Variants in DPP6 observed in about 807,000 individuals in gnomAD.
DPP6 encodes A-type potassium channel modulatory protein DPP6.
DPP6 carries 69 observed loss-of-function variants against 122.6 expected under a neutral mutation model. The ratio of observed to expected loss-of-function variants is 0.56; its 90% CI spans 0.46 to 0.69. DPP6 has a LOEUF of 0.69. DPP6 is among the 30% of genes least tolerant of loss of function. The pLI, the probability that DPP6 is intolerant of heterozygous loss-of-function variation, is 0.00. For missense variants in DPP6, 928 were observed against 1,116.9 expected, an observed-to-expected ratio of 0.83 and a Z score of 2.41; for synonymous variants, 418 against 433.1, an observed-to-expected ratio of 0.97 and a Z score of 0.43.
At chr7:154,537,551 G>A (rs1034947664) in intron 3 of DPP6, among the ~76,000 whole-genome samples, 8 of 152,080 alleles carry the variant, frequency 5.3e-5, no homozygotes, top group South Asian at 2.1e-4. Flanking sequence ...TTAGATCAGC[G>A]TGGTGGTGCA....
chr7:154,805,573 G>A lies in DPP6; in HGVS notation c.1547+609G>A, dbSNP rs114657171. On this transcript the variant is annotated intron_variant, in intron 15 of 25. Coordinates refer to ENST00000377770, the MANE Select transcript of DPP6 (RefSeq NM_130797.4). Reference sequence around the variant, plus strand: ...GTAGAAGGCTAATATTTATGATGAGGCCCTAAAGGCAATTTCCCTTCTCAA... The same window carrying A: ...GTAGAAGGCTAATATTTATGATGAGACCCTAAAGGCAATTTCCCTTCTCAA... Among the ~76,000 whole-genome samples the A allele has an allele frequency of 4.6e-3, 700 of 152,290 alleles. 8 individuals are homozygous for A. The highest frequency in any genetic ancestry group is 0.016 in the African/African-American group (659 of 41,556).
At chr7:153,818,358 A>G in the DPP6 span, among the ~76,000 whole-genome samples, 1 of 152,166 alleles carries the variant, frequency 6.6e-6, no homozygotes, top group Non-Finnish European at 1.5e-5. Flanking sequence ...CACTAGATAT[A>G]GAATTCATTT....
At chr7:153,823,408 A>C in the DPP6 span, among the ~76,000 whole-genome samples, 2 of 144,900 alleles carry the variant, frequency 1.4e-5, no homozygotes, top group Non-Finnish European at 3.1e-5. Flanking sequence ...AGTTCAGCCA[A>C]TGGAAGTCAG....
intron 1 of DPP6, among the ~76,000 whole-genome samples, chr7:154,381,431 A>G (rs1813596699): frequency 1.3e-5 from 2 of 152,198 alleles, no homozygotes; most frequent in Admixed American, 6.5e-5. Flanking sequence ...ATGCCTCTAT[A>G]TGGGTCTGTG....
intron 1 of DPP6, among the ~76,000 whole-genome samples, chr7:154,350,665 A>G (rs1395805036): frequency 1.3e-5 from 2 of 152,034 alleles, no homozygotes; most frequent in East Asian, 3.9e-4. Context: ...GAACAGGTGC[A>G]CCCTGGTGTT....
intron 16 of DPP6, among the ~76,000 whole-genome samples, chr7:154,815,465 C>T (rs184349948): frequency 6.6e-6 from 1 of 152,324 alleles, no homozygotes; most frequent in African/African-American, 2.4e-5. Context: ...CAGTCCTCGC[C>T]TCTGTTGAGA....
chr7:154,701,082 T>G (rs1022333470), intron 7 of DPP6, among the ~76,000 whole-genome samples: 3 of 152,194 alleles, frequency 2.0e-5, no homozygotes, highest in Non-Finnish European at 4.4e-5. Flanking sequence ...GGCAGGCTTT[T>G]TGGAGGATCT....
Position 154,772,946 on chromosome 7 carries a change from TG to T in DPP6, c.1136+5del. 6.3e-7 allele frequency: 1 copy of T among 1,582,408 alleles called. No homozygotes were observed. Among genetic ancestry groups the T allele is most frequent in the Non-Finnish European group, 8.6e-7 (1 of 1,167,172 alleles). Reference sequence around the variant, plus strand: ...CGCCTGATGATCCACGGATGAGGTTTGCTTCCTTCTATTATGTTACCAAAAA... The same window carrying T: ...CGCCTGATGATCCACGGATGAGGTTTCTTCCTTCTATTATGTTACCAAAAA... On this transcript the variant is annotated splice_donor_5th_base_variant and intron_variant, in intron 10 of 25. Transcript: ENST00000377770.
intron 3 of DPP6, among the ~76,000 whole-genome samples, chr7:154,492,883 C>G (rs1323690290): frequency 6.6e-6 from 1 of 152,156 alleles, no homozygotes; most frequent in Non-Finnish European, 1.5e-5. Context: ...AGTAAAATCT[C>G]ACTGAAGGGT....
intron 2 of DPP6, among the ~76,000 whole-genome samples, chr7:154,460,647 TAA>T (rs1821217175): frequency 6.6e-6 from 1 of 152,244 alleles, no homozygotes; most frequent in Non-Finnish European, 1.5e-5. Flanking sequence ...CATCAAATAA[TAA>T]GTTGGTTTTT....
intron 1 of DPP6, among the ~76,000 whole-genome samples, chr7:154,295,944 CTTTTT>C (rs146439433): frequency 6.2e-5 from 7 of 112,786 alleles, no homozygotes; most frequent in Admixed American, 1.8e-4. Flanking sequence ...ACAGTTGCTT[CTTTTT>C]TTTTTTTTTT....
chr7:154,020,485 G>A (rs962101275), intron 1 of DPP6, among the ~76,000 whole-genome samples: 4 of 151,956 alleles, frequency 2.6e-5, no homozygotes, highest in Admixed American at 6.6e-5. Context: ...GTCTCAGGTA[G>A]TTCAAGAGTC....
chr7:154,082,330 A>G (rs1804074938), intron 1 of DPP6, among the ~76,000 whole-genome samples: 4 of 152,140 alleles, frequency 2.6e-5, no homozygotes, highest in African/African-American at 9.7e-5. Flanking sequence ...GTTATTCTCC[A>G]TACATCCTAA....
chr7:154,642,300 G>A (rs566978148), intron 6 of DPP6, among the ~76,000 whole-genome samples: 24 of 152,172 alleles, frequency 1.6e-4, no homozygotes, highest in Admixed American at 1.2e-3. Context: ...CATAATAATA[G>A]TGCCCACTTT....
chr7:154,367,798 T>G (rs978544551), intron 1 of DPP6, among the ~76,000 whole-genome samples: 3 of 152,160 alleles, frequency 2.0e-5, no homozygotes, highest in African/African-American at 7.2e-5. Context: ...ATTGTAAAAT[T>G]TATTATTGAT....
At position 154,821,300 on chromosome 7, in the gene DPP6, A is replaced by G. The variant is rs2150497365; in HGVS notation, c.1666+14188A>G. On this transcript the variant is annotated intron_variant, in intron 16 of 25. Coordinates refer to ENST00000377770, the MANE Select transcript of DPP6 (RefSeq NM_130797.4). The surrounding 1 kb of genome is among the most constrained non-coding windows in gnomAD (Gnocchi z 4.2). The stretch of plus-strand genomic sequence containing the variant: ...TCTTTTTTCTTTTTACATTGTTCTG[A>G]TAGCCTCACTTACTCATTTTAAGCT... Among the ~76,000 whole-genome samples, 1 of 152,072 alleles carries G rather than the reference A, an allele frequency of 6.6e-6. No homozygotes were observed. The highest frequency in any genetic ancestry group is 6.5e-5 in the Admixed American group (1 of 15,292).
At chr7:153,821,868 T>C in the DPP6 span, among the ~76,000 whole-genome samples, 1 of 151,992 alleles carries the variant, frequency 6.6e-6, no homozygotes, top group African/African-American at 2.4e-5. Context: ...ACAAGCTCTG[T>C]GAGATGAAGT....
chr7:154,554,185 T>A (rs903050143), intron 4 of DPP6, among the ~76,000 whole-genome samples: 7 of 151,946 alleles, frequency 4.6e-5, no homozygotes, highest in Admixed American at 1.3e-4. Context: ...ATTAACATTA[T>A]CGCCAGGCCC....
chr7:154,518,754 C>T (rs536988473), intron 3 of DPP6, among the ~76,000 whole-genome samples: 29 of 152,294 alleles, frequency 1.9e-4, no homozygotes, highest in Admixed American at 7.8e-4. Flanking sequence ...GTAGTCCTGA[C>T]GCTTCATACT....
Sources: allele counts gnomAD v4.1 joint callset (sites outside exome capture counted in the v4.1 genomes callset), GRCh38; gene constraint gnomAD v4.1.1; non-coding constraint Gnocchi (gnomAD v3.1); transcripts MANE v1.5; gene names NCBI Gene and HGNC (gene_info 2026-07-23, HGNC 2026-07-21).